AGBL1: variants seen among roughly 807,000 people sequenced by gnomAD.
AGBL1 encodes AGBL carboxypeptidase 1.
Under a neutral mutation model 118.9 loss-of-function variants are expected in AGBL1, and 130 were observed. The observed-to-expected ratio is 1.09, with a 90% CI of 0.95 to 1.26. AGBL1 has a LOEUF of 1.26. AGBL1 is among the 50% of genes most tolerant of loss of function. AGBL1 has a pLI of 0.00. For synonymous variants in AGBL1, 555 were observed against 478.9 expected (o/e 1.16, Z -2.08); for missense variants, 1,584 against 1,298.1 (o/e 1.22, Z -3.38).
chr15:86,220,914 C>G (rs552971320), intron 5 of AGBL1, among the ~76,000 whole-genome samples: 4 of 152,020 alleles, frequency 2.6e-5, no homozygotes, highest in Non-Finnish European at 5.9e-5. Flanking sequence ...CTCTTCAGGC[C>G]GTGCACAGTG....
At chr15:86,143,557 A>G (rs993464895) in intron 2 of AGBL1, 142 bp from the exon 3 acceptor site, 2 of 981,436 alleles carry the variant, frequency 2.0e-6, no homozygotes, top group African/African-American at 3.3e-5. Context: ...ACTTTAACAC[A>G]GGTTGCTTCA....
chr15:86,463,240 T>G (rs2082355867), intron 18 of AGBL1, among the ~76,000 whole-genome samples: 1 of 152,152 alleles, frequency 6.6e-6, no homozygotes, highest in South Asian at 2.1e-4. Flanking sequence ...TGTCTTATTT[T>G]GAGAAGTGTC....
chr15:86,252,231 G>A (rs2078828193), intron 7 of AGBL1, among the ~76,000 whole-genome samples: 1 of 152,194 alleles, frequency 6.6e-6, no homozygotes, highest in South Asian at 2.1e-4. Flanking sequence ...TGCTCAGAAA[G>A]CACAGTAGGC....
intron 17 of AGBL1, among the ~76,000 whole-genome samples, chr15:86,340,983 C>T (rs922897953): frequency 3.9e-5 from 6 of 152,206 alleles, no homozygotes; most frequent in Non-Finnish European, 7.3e-5. Flanking sequence ...TCCCTACTCT[C>T]ACTAGGGCTC....
At chr15:86,973,563 CA>C (rs2081133210) in intron 23 of AGBL1, among the ~76,000 whole-genome samples, 1 of 151,810 alleles carries the variant, frequency 6.6e-6, no homozygotes. Flanking sequence ...GTCAATCATC[CA>C]AAAGCATCTC....
At chr15:86,300,496 C>G (rs962500757) in intron 17 of AGBL1, among the ~76,000 whole-genome samples, 1 of 152,136 alleles carries the variant, frequency 6.6e-6, no homozygotes, top group Non-Finnish European at 1.5e-5. Context: ...AACCCTCATT[C>G]TCTAAATGAA....
chr15:86,936,448 G>C (rs2080676303), intron 23 of AGBL1, among the ~76,000 whole-genome samples: 1 of 152,144 alleles, frequency 6.6e-6, no homozygotes, highest in South Asian at 2.1e-4. Context: ...CACCCCAGGT[G>C]CTATGCTTTG....
intron 1 of AGBL1, among the ~76,000 whole-genome samples, chr15:86,100,383 G>C (rs1277074539): frequency 1.3e-5 from 2 of 152,078 alleles, no homozygotes; most frequent in African/African-American, 4.8e-5. Flanking sequence ...CAATTTTTTG[G>C]AATAGTTTGA....
intron 1 of AGBL1, among the ~76,000 whole-genome samples, chr15:86,126,371 A>C (rs993194941): frequency 6.6e-6 from 1 of 152,190 alleles, no homozygotes; most frequent in African/African-American, 2.4e-5. Flanking sequence ...AATTATTGAC[A>C]ACCAAGAATC....
intron 21 of AGBL1, among the ~76,000 whole-genome samples, chr15:86,565,930 C>T (rs562145997): frequency 6.0e-4 from 91 of 152,386 alleles, no homozygotes; most frequent in African/African-American, 2.0e-3. Context: ...CCCTCTGAGC[C>T]AGGCGCGGGA....
chr15:86,189,910 A>G (rs867758319), intron 5 of AGBL1, among the ~76,000 whole-genome samples: 18 of 152,336 alleles, frequency 1.2e-4, no homozygotes, highest in African/African-American at 4.3e-4. Flanking sequence ...CCAGGTACCC[A>G]TGTAACATAG....
chr15:86,424,500 A>G lies in AGBL1; in HGVS notation c.2555+26954A>G, dbSNP rs189440581. The stretch of plus-strand genomic sequence containing the variant: ...TGGGCAAAGACTTTGTGACTAAAAC[A>G]CCAAAAGCAATGGCAACAAAAGCCA... On this transcript the variant is annotated intron_variant, in intron 18 of 22. Coordinates refer to ENST00000614907, the MANE Select transcript of AGBL1 (RefSeq NM_001386094.1). Among the ~76,000 whole-genome samples the G allele has an allele frequency of 3.3e-3, 501 of 152,280 alleles. 19 individuals carry two copies. In the East Asian group the frequency reaches 0.082, roughly 25 times the overall value.
At chr15:87,030,394 G>A (rs1242757898), downstream of AGBL1, among the ~76,000 whole-genome samples, 1 of 151,988 alleles carries the variant, frequency 6.6e-6, no homozygotes, top group Admixed American at 6.6e-5. Flanking sequence ...TACTGGGGCA[G>A]CTTGAACAGG....
chr15:86,802,776 T>A (rs948354410), intron 22 of AGBL1, among the ~76,000 whole-genome samples: 3 of 152,166 alleles, frequency 2.0e-5, no homozygotes, highest in Non-Finnish European at 4.4e-5. Flanking sequence ...TAAGTATTTG[T>A]GGTCAGACAG....
At chr15:86,668,171 C>A (rs1239163406) in intron 21 of AGBL1, among the ~76,000 whole-genome samples, 1 of 152,162 alleles carries the variant, frequency 6.6e-6, no homozygotes, top group Non-Finnish European at 1.5e-5. Flanking sequence ...TCCCACCAGA[C>A]CCCACCTCCA....
At position 86,490,095 on chromosome 15, in the gene AGBL1, T is replaced by A. The variant is rs531996835; in HGVS notation, c.2556-32715T>A. Among the ~76,000 whole-genome samples the A allele has an allele frequency of 2.0e-5, 3 of 152,202 alleles. No individual in the cohort carries two copies. In the South Asian group the frequency reaches 6.2e-4, roughly 32 times the overall value. Reference sequence around the variant, plus strand: ...ACATAAAGTGCTTCGGAGGGCCCATTTTCCCACAAGGCAGCTATGACGTCC... The same window carrying A: ...ACATAAAGTGCTTCGGAGGGCCCATATTCCCACAAGGCAGCTATGACGTCC... On this transcript the variant is annotated intron_variant, in intron 18 of 22. Transcript: ENST00000614907.
At chr15:86,171,211 A>G (rs76274366) in intron 5 of AGBL1, among the ~76,000 whole-genome samples, 2,820 of 152,318 alleles carry the variant, frequency 0.019, 91 homozygotes, top group African/African-American at 0.063. Flanking sequence ...ACCAAGGAGC[A>G]CTAGAAATGG....
intron 1 of AGBL1, among the ~76,000 whole-genome samples, chr15:86,128,049 T>C (rs892675978): frequency 6.6e-6 from 1 of 152,210 alleles, no homozygotes; most frequent in Non-Finnish European, 1.5e-5. Flanking sequence ...AACATTATCT[T>C]AACTCACCTG....
chr15:86,362,886 A>G (rs920881510), intron 17 of AGBL1, among the ~76,000 whole-genome samples: 1 of 152,206 alleles, frequency 6.6e-6, no homozygotes, highest in South Asian at 2.1e-4. Flanking sequence ...GACTGGCAGG[A>G]TGAAGCTTGG....
Sources: allele counts gnomAD v4.1 joint callset (sites outside exome capture counted in the v4.1 genomes callset), GRCh38; gene constraint gnomAD v4.1.1; transcripts MANE v1.5; gene names NCBI Gene and HGNC (gene_info 2026-07-23, HGNC 2026-07-21).